The following RAB6B variants were observed in gnomAD, a reference collection of about 807,000 sequenced individuals.
The protein encoded by RAB6B is RAB6B, member RAS oncogene family.
Under a neutral mutation model 31.2 loss-of-function variants are expected in RAB6B, and 7 were observed. That is an observed-to-expected ratio of 0.22 (90% confidence interval 0.13 to 0.42). The LOEUF (loss-of-function observed/expected upper bound fraction) is 0.42. Ranked by LOEUF, RAB6B falls within the 10% of genes least tolerant of loss-of-function variation. RAB6B has a pLI of 1.00. For missense variants in RAB6B, 149 were observed against 280.6 expected, an observed-to-expected ratio of 0.53 and a Z score of 3.35; for synonymous variants, 105 against 104.9, an observed-to-expected ratio of 1.00 and a Z score of -0.01.
At chr3:133,877,421 G>A (rs372938590) in intron 1 of RAB6B, among the ~76,000 whole-genome samples, 1 of 152,188 alleles carries the variant, frequency 6.6e-6, no homozygotes. Context: ...CAGCCAGAGT[G>A]GAAAGTCTCA....
chr3:133,894,286 C>A (rs1936676698), intron 1 of RAB6B: 1 of 152,378 alleles, frequency 6.6e-6, no homozygotes, highest in Non-Finnish European at 1.5e-5. Flanking sequence ...TCCCTGCAGC[C>A]CCATGCGAGA....
intron 2 of RAB6B, among the ~76,000 whole-genome samples, chr3:133,860,297 T>C (rs956580727): frequency 1.2e-4 from 19 of 152,180 alleles, no homozygotes; most frequent in African/African-American, 4.6e-4. Context: ...ATCCAGTGAC[T>C]GGTGTCCTCT....
intron 4 of RAB6B, among the ~76,000 whole-genome samples, chr3:133,840,632 G>T (rs973531512): frequency 6.6e-6 from 1 of 152,200 alleles, no homozygotes. Context: ...CCACTTCAGG[G>T]TAACCACAGC....
Position 133,828,183 on chromosome 3 carries a change from T to C in RAB6B, c.*605A>G. The C allele has an allele frequency of 1.7e-6, 1 of 584,898 alleles. No homozygotes were observed. 36.2% of individuals were successfully genotyped at this position (584,898 alleles called of 1,614,324 possible). On this transcript the variant is annotated 3_prime_UTR_variant, in exon 8 of 8. Transcript: ENST00000285208. Reference sequence around the variant, plus strand: ...GCTCCACACGAGGTTGACGACCCACTCTGGCCATGGAAAGACAAGAGTCAG... The same window carrying C: ...GCTCCACACGAGGTTGACGACCCACCCTGGCCATGGAAAGACAAGAGTCAG...
chr3:133,871,309 C>T (rs1936320516), intron 1 of RAB6B, among the ~76,000 whole-genome samples: 2 of 152,230 alleles, frequency 1.3e-5, no homozygotes, highest in Admixed American at 1.3e-4. Context: ...GGAAAGGCCG[C>T]TCTGCTGGGG....
chr3:133,872,875 T>C (rs953484120), intron 1 of RAB6B, among the ~76,000 whole-genome samples: 9 of 152,090 alleles, frequency 5.9e-5, no homozygotes, highest in Non-Finnish European at 1.2e-4. Context: ...CACCCAGGGA[T>C]CCAGAGAAGA....
chr3:133,867,590 A>G (rs535472410), intron 1 of RAB6B, among the ~76,000 whole-genome samples: 43 of 152,286 alleles, frequency 2.8e-4, no homozygotes, highest in African/African-American at 9.9e-4. Context: ...CTGGGTTCAG[A>G]ATTCTGCCAG....
At chr3:133,846,777 G>A (rs1935914106) in intron 2 of RAB6B, among the ~76,000 whole-genome samples, 1 of 152,096 alleles carries the variant, frequency 6.6e-6, no homozygotes, top group Non-Finnish European at 1.5e-5. Context: ...GAAGACAAGG[G>A]AACAACGTCT....
At chr3:133,858,937 A>G (rs928293652) in intron 2 of RAB6B, among the ~76,000 whole-genome samples, 1 of 152,176 alleles carries the variant, frequency 6.6e-6, no homozygotes, top group African/African-American at 2.4e-5. Context: ...GGCCTACTTT[A>G]GAGGTAGGAA....
chr3:133,843,456 C>T (rs1325159951), intron 2 of RAB6B, among the ~76,000 whole-genome samples: 2 of 152,152 alleles, frequency 1.3e-5, no homozygotes, highest in Non-Finnish European at 2.9e-5. Flanking sequence ...CTTCTGATTC[C>T]CTTATGGAGA....
intron 1 of RAB6B, among the ~76,000 whole-genome samples, chr3:133,871,217 T>C (rs1332523316): frequency 6.6e-6 from 1 of 152,234 alleles, no homozygotes; most frequent in African/African-American, 2.4e-5. Flanking sequence ...AAGCAGTCCA[T>C]ATCCAGTGGT....
In RAB6B at chr3:133,863,660, A is replaced by C. The variant is rs1238530023; in HGVS notation, c.129+924T>G. Among the ~76,000 whole-genome samples the C allele has an allele frequency of 2.0e-5, 3 of 152,052 alleles. No individual in the cohort carries two copies. In the East Asian group the frequency reaches 5.8e-4, roughly 29 times the overall value. On this transcript the variant is annotated intron_variant, in intron 2 of 7. Coordinates refer to ENST00000285208, the MANE Select transcript of RAB6B (RefSeq NM_016577.4). ...ACTTTTGTTCACCCAGTGTTCCCTA[A>C]ATCTGTACAAGCTCTGAACCCACCA...
Position 133,828,283 on chromosome 3 carries a change from G to C in RAB6B, c.*505C>G. 1 of 441,858 alleles carries C rather than the reference G, an allele frequency of 2.3e-6. No homozygotes were observed. Among genetic ancestry groups the C allele is most frequent in the Non-Finnish European group, 4.0e-6 (1 of 247,526 alleles). The allele number at this position is 441,858 out of a possible 1,614,324, so 27.4% of individuals were successfully genotyped here. Reference sequence around the variant, plus strand: ...GAGTAGGGCCTAGAGAGTGGGGCCAGATGGCCCCAGACTGAAGCCTAATTA... The same window carrying C: ...GAGTAGGGCCTAGAGAGTGGGGCCACATGGCCCCAGACTGAAGCCTAATTA... On this transcript the variant is annotated 3_prime_UTR_variant, in exon 8 of 8. Transcript: ENST00000285208.
At chr3:133,883,381 G>A (rs143492455) in intron 1 of RAB6B, among the ~76,000 whole-genome samples, 1 of 152,250 alleles carries the variant, frequency 6.6e-6, no homozygotes, top group East Asian at 1.9e-4. Flanking sequence ...ATCGTCCTGT[G>A]CCCCCATACT....
intron 1 of RAB6B, among the ~76,000 whole-genome samples, chr3:133,866,490 C>T (rs1936238814): frequency 6.6e-6 from 1 of 152,204 alleles, no homozygotes; most frequent in South Asian, 2.1e-4. Flanking sequence ...TTGTAGGGTA[C>T]CAGCTGGTGT....
At chr3:133,871,813 C>T (rs1485422657) in intron 1 of RAB6B, among the ~76,000 whole-genome samples, 1 of 152,230 alleles carries the variant, frequency 6.6e-6, no homozygotes, top group Non-Finnish European at 1.5e-5. Context: ...CCTCACAGAG[C>T]CAAGCCAGAA....
intron 7 of RAB6B, among the ~76,000 whole-genome samples, chr3:133,833,767 C>T (rs772140587): frequency 6.6e-6 from 1 of 152,138 alleles, no homozygotes; most frequent in African/African-American, 2.4e-5. Flanking sequence ...AGGATGCCAG[C>T]CAGGGATCTG....
intron 1 of RAB6B, chr3:133,894,606 C>T (rs1936681686): frequency 6.6e-6 from 1 of 152,270 alleles, no homozygotes; most frequent in Admixed American, 6.5e-5. Context: ...CTGCCCAGAG[C>T]CAGACTTCAC....
chr3:133,867,165 G>C (rs896495050), intron 1 of RAB6B, among the ~76,000 whole-genome samples: 5 of 152,228 alleles, frequency 3.3e-5, no homozygotes, highest in African/African-American at 1.2e-4. Flanking sequence ...TAGGGGGCAG[G>C]AAAACATCCC....
Sources: gnomAD v4.1 joint callset for allele counts (sites outside exome capture counted in the v4.1 genomes callset) on GRCh38, gnomAD v4.1.1 for gene constraint, MANE v1.5 for transcripts, NCBI Gene and HGNC (gene_info 2026-07-23, HGNC 2026-07-21) for gene names.